AMACR: variants seen among roughly 807,000 people sequenced by gnomAD.
AMACR encodes alpha-methylacyl-CoA racemase, also known as 2-methylacyl-CoA racemase.
AMACR carries 18 observed loss-of-function variants against 22.2 expected under a neutral mutation model. The observed-to-expected ratio is 0.81, with a 90% CI of 0.56 to 1.20. The LOEUF (loss-of-function observed/expected upper bound fraction) is 1.20, where lower values mean the gene tolerates loss of function less well. Ranked by LOEUF, AMACR falls within the 50% of genes most tolerant of loss-of-function variation. AMACR has a pLI of 0.00. For missense variants in AMACR, 499 were observed against 490.6 expected (o/e 1.02, Z -0.16); for synonymous variants, 213 against 191.3 (o/e 1.11, Z -0.94).
At chr5:34,007,695 G>A (rs1485937513) in intron 1 of AMACR, 78 bp downstream of exon 1, 36 of 1,460,478 alleles carry the variant, frequency 2.5e-5, no homozygotes, top group Non-Finnish European at 3.1e-5. Context: ...GGTGTGGCGG[G>A]TGCAGCCTCG....
At chr5:34,006,024 T>C in intron 1 of AMACR, 125 bp from the exon 2 acceptor site, 4 of 1,180,718 alleles carry the variant, frequency 3.4e-6, no homozygotes, top group Admixed American at 4.0e-5. Flanking sequence ...TGTAGGCTAA[T>C]GGCATGTTTA....
intron 3 of AMACR, among the ~76,000 whole-genome samples, chr5:34,000,059 T>A (rs549579588): frequency 2.0e-5 from 3 of 152,372 alleles, no homozygotes. Context: ...CTCATTAACA[T>A]TTGTTGCTAG....
At chr5:33,992,584 C>T (rs895842840) in intron 4 of AMACR, among the ~76,000 whole-genome samples, 74 of 152,112 alleles carry the variant, frequency 4.9e-4, no homozygotes, top group African/African-American at 1.8e-3. Flanking sequence ...GTGGCACAGG[C>T]CTGTGGTCCC....
Position 33,998,803 on chromosome 5 carries a change from A to T in AMACR, c.577T>A (p.Ser193Thr), listed in dbSNP as rs753278172. The change falls in exon 4 of 5, where the codon TCT becomes ACT. Residue 193 changes from serine to threonine, a missense_variant. Ser to Thr is a moderately conservative substitution (Grantham distance 58). Transcript: ENST00000335606. ...AATTTCTGAGTTTTCCACAGAAAAG[A>T]ACTTAAATATGCTGTTCCTTCCACC... is the stretch of plus-strand genomic sequence containing the variant. ...NMVEGTAYLS[S>T]FLWKTQKLSL... 1 of 1,613,992 alleles carries T rather than the reference A, an allele frequency of 6.2e-7. No individual in the cohort carries two copies. Among genetic ancestry groups the T allele is most frequent in the African/African-American group, 1.3e-5 (1 of 74,916 alleles).
chr5:33,998,632 T>C lies in AMACR; in HGVS notation c.739+9A>G. 1.3e-6 allele frequency: 2 copies of C among 1,598,368 alleles called. No homozygotes were observed. Among genetic ancestry groups the C allele is most frequent in the African/African-American group, 1.3e-5 (1 of 74,368 alleles). The stretch of plus-strand genomic sequence containing the variant: ...GGGGAACTGGGGGAGACGCGTGAAG[T>C]TCACTTACCTTTGATCAGCAGCTCG... On this transcript the variant is annotated intron_variant, in intron 4 of 4. Transcript: ENST00000335606.
chr5:34,005,832 G>C lies in AMACR; in HGVS notation c.315C>G (p.Ala105=). The stretch of plus-strand genomic sequence containing the variant: ...CTGACTGGCCAAATCCACTCAGCCT[G>C]GCATAAATAAGCCTTGGATTTTCCC... ...LQRENPRLIY[A]RLSGFGQSGS... is the part of the protein sequence containing the mutation. The change falls in exon 2 of 5, where the codon GCC becomes GCG. Residue 105 remains alanine, a synonymous_variant. Transcript: ENST00000335606. 6.2e-7 allele frequency: 1 copy of C among 1,614,050 alleles called. No individual in the cohort carries two copies. The highest frequency in any genetic ancestry group is 8.5e-7 in the Non-Finnish European group (1 of 1,180,020).
rs1047249832 is a variant in AMACR, at chr5:34,007,667, T to C, written c.247+106A>G. 5 of 1,419,386 alleles carry C rather than the reference T, an allele frequency of 3.5e-6. No individual in the cohort carries two copies. The African/African-American group carries it at 7.3e-5, about 21-fold the overall frequency. 87.9% of individuals were successfully genotyped at this position (1,419,386 alleles called of 1,614,324 possible). A position where few individuals can be genotyped will look rare whatever the true frequency, so the allele number is the denominator to read the frequency against. On this transcript the variant is annotated intron_variant, in intron 1 of 4. Coordinates refer to ENST00000335606, the MANE Select transcript of AMACR (RefSeq NM_014324.6). The stretch of plus-strand genomic sequence containing the variant: ...GGAAGGCTGGGGCCGACAAGGGTTC[T>C]TGCGGCAACAGGGCAAAGGTGTGGC...
chr5:33,997,966 C>A (rs1753694507), intron 4 of AMACR, among the ~76,000 whole-genome samples: 1 of 151,922 alleles, frequency 6.6e-6, no homozygotes, highest in African/African-American at 2.4e-5. Flanking sequence ...CTGTGATCAG[C>A]TTTCACATCA....
rs776723461 is a variant in AMACR at position 33,989,307 on chromosome 5, C to G, written c.935G>C (p.Arg312Pro). 1 of 1,614,144 alleles carries G rather than the reference C, an allele frequency of 6.2e-7. No homozygotes were observed. The highest frequency in any genetic ancestry group is 2.2e-5 in the East Asian group (1 of 44,884). ...CTCCTCACTGGTGATAAACGAGCCC[C>G]GTTCCTTGTTGTGATCATGATGAAC... is the stretch of plus-strand genomic sequence containing the variant. ...EVVHHDHNKE[R>P]GSFITSEEQD... Residue 312 changes from arginine to proline, a missense_variant, in exon 5 of 5, where the codon CGG (arginine) becomes CCG (proline). Coordinates refer to ENST00000335606, the MANE Select transcript of AMACR (RefSeq NM_014324.6).
chr5:33,989,612 G>A (rs971826596), intron 4 of AMACR, 110 bp from the exon 5 acceptor site: 2 of 924,886 alleles, frequency 2.2e-6, no homozygotes, highest in Non-Finnish European at 3.3e-6. Context: ...TGTTCTATAA[G>A]GGCTTCTCAA....
rs144351906 is a variant in AMACR, at chr5:33,992,681, G to A, written c.740-3179C>T. On this transcript the variant is annotated intron_variant, in intron 4 of 4. Transcript: ENST00000335606. ...GCCATGTTTGTGCCACTGCACTCAA[G>A]CCTAGGCAACAGTGTAAGTCCTTGT... 5.9e-5 allele frequency among the ~76,000 whole-genome samples: 9 copies of A among 152,278 alleles called. No homozygotes were observed. In the East Asian group the frequency reaches 1.4e-3, roughly 23 times the overall value.
intron 3 of AMACR, among the ~76,000 whole-genome samples, chr5:34,003,115 C>T (rs1177145623): frequency 3.3e-5 from 5 of 152,214 alleles, no homozygotes; most frequent in Admixed American, 6.5e-5. Flanking sequence ...GACAACACTC[C>T]ATTCTGCTTC....
Position 33,998,696 on chromosome 5 carries a change from C to T in AMACR, c.684G>A (p.Gly228=). 1 of 1,613,868 alleles carries T rather than the reference C, an allele frequency of 6.2e-7. No homozygotes were observed. Among genetic ancestry groups the T allele is most frequent in the Non-Finnish European group, 8.5e-7 (1 of 1,179,908 alleles). The change falls in exon 4 of 5, where the codon GGG becomes GGA. Residue 228 remains glycine (G), a synonymous_variant. Transcript: ENST00000335606. ...PFYTTYRTAD[G]EFMAVGAIEP... ...CTATTGCTCCAACAGCCATGAATTC[C>T]CCATCTGCTGTCCTGTAAGTCGTAT... is the stretch of plus-strand genomic sequence containing the variant.
At chr5:34,001,576 G>A (rs997928601) in intron 3 of AMACR, among the ~76,000 whole-genome samples, 8 of 152,236 alleles carry the variant, frequency 5.3e-5, no homozygotes, top group Admixed American at 4.6e-4. Context: ...CTTAAAATAC[G>A]TAAGGGGGCA....
intron 4 of AMACR, chr5:33,996,934 C>G (rs1301970511): frequency 8.0e-6 from 4 of 502,764 alleles, no homozygotes; most frequent in Non-Finnish European, 1.4e-5. Flanking sequence ...ATAACAAGCC[C>G]AGGACTGAGG....
At position 33,989,454 on chromosome 5, in the gene AMACR, T is replaced by C; in HGVS notation, c.788A>G (p.Asp263Gly). 1.2e-6 allele frequency: 2 copies of C among 1,614,168 alleles called. No homozygotes were observed. Among genetic ancestry groups the C allele is most frequent in the Non-Finnish European group, 1.7e-6 (2 of 1,180,012 alleles). Reference sequence around the variant, plus strand: ...AAACTTCTTCTTCATTTCTGGCCAATCATCCATGCTCATCTGATTGGGAAG... The same window carrying C: ...AAACTTCTTCTTCATTTCTGGCCAACCATCCATGCTCATCTGATTGGGAAG... ...DELPNQMSMD[D>G]WPEMKKKFAD... Residue 263 changes from aspartate (D) to glycine (G), a missense_variant, in exon 5 of 5, where the codon GAT (aspartate) becomes GGT (glycine). Coordinates refer to ENST00000335606, the MANE Select transcript of AMACR (RefSeq NM_014324.6).
rs1370754918 is a variant in AMACR at position 34,007,931 on chromosome 5, C to T, written c.89G>A (p.Arg30His). The T allele has an allele frequency of 6.2e-7, 1 of 1,610,172 alleles. No individual in the cohort carries two copies. Among genetic ancestry groups the T allele is most frequent in the African/African-American group, 1.3e-5 (1 of 75,034 alleles). ...GCCGGGCCGGTCCACGCGTACCACACGCGCCCCGAAGTCAGCCAGGACCAT... is the reference window on the plus strand; with the variant it reads ...GCCGGGCCGGTCCACGCGTACCACATGCGCCCCGAAGTCAGCCAGGACCAT... ...CAMVLADFGA[R>H]VVRVDRPGSR... Residue 30 changes from arginine to histidine, a missense_variant, in exon 1 of 5, where the codon CGT (arginine) becomes CAT (histidine). Coordinates refer to ENST00000335606, the MANE Select transcript of AMACR (RefSeq NM_014324.6).
In AMACR at chr5:33,998,755, C is replaced by G. The variant is rs377130820; in HGVS notation, c.625G>C (p.Gly209Arg). Reference sequence around the variant, plus strand: ...GCTCCACCATCCAACATGTTCTGTCCTCGAGGTGCTTCCCACAGACTCAAT... The same window carrying G: ...GCTCCACCATCCAACATGTTCTGTCGTCGAGGTGCTTCCCACAGACTCAAT... ...QKLSLWEAPRGQNMLDGGAPF... is the reference protein window; with the variant it reads ...QKLSLWEAPRRQNMLDGGAPF... Residue 209 changes from glycine (G) to arginine (R), a missense_variant, in exon 4 of 5, where the codon GGA (glycine) becomes CGA (arginine). Physicochemically the swap from Gly to Arg is moderately radical, Grantham distance 125 (BLOSUM62 -2). Transcript: ENST00000335606. The G allele has an allele frequency of 1.2e-5, 19 of 1,613,948 alleles. No individual in the cohort carries two copies. The highest frequency in any genetic ancestry group is 3.3e-5 in the Admixed American group (2 of 59,978).
intron 4 of AMACR, among the ~76,000 whole-genome samples, chr5:33,995,281 T>C (rs1317416423): frequency 6.6e-6 from 1 of 152,196 alleles, no homozygotes; most frequent in Non-Finnish European, 1.5e-5. Flanking sequence ...CCCCAAAGGT[T>C]GTAAGCAAAG....
Sources: allele counts gnomAD v4.1 joint callset (sites outside exome capture counted in the v4.1 genomes callset), GRCh38; gene constraint gnomAD v4.1.1; transcripts MANE v1.5; gene names NCBI Gene and HGNC (gene_info 2026-07-23, HGNC 2026-07-21).